The following RNASET2 variants were observed in gnomAD, a reference collection of about 807,000 sequenced individuals.
RNASET2 encodes ribonuclease T2.
RNASET2 carries 28 observed loss-of-function variants against 33.9 expected under a neutral mutation model. The ratio of observed to expected loss-of-function variants is 0.83; its 90% CI spans 0.61 to 1.13. The LOEUF (loss-of-function observed/expected upper bound fraction) is 1.13. RNASET2 is among the 50% of genes most tolerant of loss of function. RNASET2 has a pLI of 0.00. For missense variants in RNASET2, 330 were observed against 319.9 expected (o/e 1.03, Z -0.24); for synonymous variants, 123 against 121.0 (o/e 1.02, Z -0.11).
intron 4 of RNASET2, chr6:166,943,666 T>G (rs1778753313): frequency 2.3e-6 from 1 of 443,344 alleles, no homozygotes. Context: ...TAAACCCTAA[T>G]GTTAATGCTA....
intron 2 of RNASET2, 43 bp downstream of exon 2, chr6:166,952,445 G>A: frequency 6.4e-7 from 1 of 1,570,294 alleles, no homozygotes; most frequent in Non-Finnish European, 8.8e-7. Flanking sequence ...CCTCTTCACA[G>A]GGCTCCCCAG....
Position 166,956,152 on chromosome 6 carries a change from G to A in RNASET2, c.31C>T (p.Leu11=), listed in dbSNP as rs202104760. MRPAALRGAL[L]GCLCLALLCL... Reference sequence around the variant, plus strand: ...AGCAACGCCAGGCAGAGGCAGCCCAGCAGGGCCCCGCGCAGGGCTGCAGGG... The same window carrying A: ...AGCAACGCCAGGCAGAGGCAGCCCAACAGGGCCCCGCGCAGGGCTGCAGGG... The change falls in exon 1 of 9, where the codon CTG becomes TTG. Residue 11 remains leucine, a synonymous_variant. Transcript: ENST00000508775. 112 of 1,550,552 alleles carry A rather than the reference G, an allele frequency of 7.2e-5. 1 individual carries two copies. In the East Asian group the frequency reaches 2.6e-3, roughly 36 times the overall value.
intron 7 of RNASET2, chr6:166,931,533 C>G: frequency 8.5e-6 from 2 of 234,498 alleles, no homozygotes; most frequent in South Asian, 1.2e-4. Flanking sequence ...TCTCTCCCGA[C>G]CCCCTCCCCA....
intron 7 of RNASET2, chr6:166,932,191 A>G (rs570750069): frequency 2.6e-4 from 39 of 152,474 alleles, no homozygotes; most frequent in African/African-American, 8.4e-4. Flanking sequence ...AGCTCCCCAC[A>G]CTATCCCTTC....
Position 166,922,877 on chromosome 6 carries a change from A to C in RNASET2, c.*6711T>G, listed in dbSNP as rs1026675123. Among the ~76,000 whole-genome samples the C allele has an allele frequency of 3.3e-5, 5 of 152,228 alleles. No homozygotes were observed. The highest frequency in any genetic ancestry group is 1.2e-4 in the African/African-American group (5 of 41,454). ...CAGGTACCAACCACCAAAGCTGTAC[A>C]CGCCAGGTTCAATGTCTTTGCTGGT... is the stretch of plus-strand genomic sequence containing the variant. On this transcript the variant is annotated 3_prime_UTR_variant, in exon 9 of 9. Coordinates refer to ENST00000508775, the MANE Select transcript of RNASET2 (RefSeq NM_003730.6).
intron 5 of RNASET2, among the ~76,000 whole-genome samples, chr6:166,940,917 G>A (rs1371440485): frequency 2.0e-5 from 3 of 152,102 alleles, no homozygotes; most frequent in African/African-American, 7.2e-5. Flanking sequence ...CAGGCAGCCA[G>A]TCCTCGGGGC....
intron 6 of RNASET2, among the ~76,000 whole-genome samples, chr6:166,937,632 C>T (rs2757048): frequency 0.24 from 36,698 of 151,948 alleles, 6,372 homozygotes; most frequent in East Asian, 0.48. Flanking sequence ...GTGTATATAC[C>T]TGGTAGTGCA....
Position 166,956,176 on chromosome 6 carries a change from GGCGCATGGT to G in RNASET2, c.-3_6del, listed in dbSNP as rs886061241. ...AGCAGGGCCCCGCGCAGGGCTGCAG[GGCGCATGGT>G]GCCGACCTGCGGAGAGAACGCTGCC... On this transcript the variant is annotated start_lost and 5_prime_UTR_variant, in exon 1 of 9. Transcript: ENST00000508775. 7.0e-5 allele frequency: 108 copies of G among 1,549,236 alleles called. No homozygotes were observed. Among genetic ancestry groups the G allele is most frequent in the Non-Finnish European group, 8.8e-5 (101 of 1,146,520 alleles).
rs1583208779 is a variant in RNASET2, at chr6:166,924,529, T to C, written c.*5059A>G. 6.6e-6 allele frequency among the ~76,000 whole-genome samples: 1 copy of C among 152,344 alleles called. No homozygotes were observed. Among genetic ancestry groups the C allele is most frequent in the Non-Finnish European group, 1.5e-5 (1 of 68,044 alleles). On this transcript the variant is annotated 3_prime_UTR_variant, in exon 9 of 9. Coordinates refer to ENST00000508775, the MANE Select transcript of RNASET2 (RefSeq NM_003730.6). ...GGACAAAGTCCGGGCCTTTGTAGTG[T>C]GACGTGGCCATTAGGGCCCACAGAT...
rs1245453567 is a variant in RNASET2, at chr6:166,923,070, T to C, written c.*6518A>G. Among the ~76,000 whole-genome samples the C allele has an allele frequency of 6.6e-6, 1 of 152,252 alleles. No homozygotes were observed. Among genetic ancestry groups the C allele is most frequent in the East Asian group, 1.9e-4 (1 of 5,204 alleles). ...AGCATAAAGTCCATACAGCATTTAA[T>C]GGATCTTAACTTTATCCATCTCAAA... On this transcript the variant is annotated 3_prime_UTR_variant, in exon 9 of 9. Coordinates refer to ENST00000508775, the MANE Select transcript of RNASET2 (RefSeq NM_003730.6).
At chr6:166,955,894 C>T (rs1779152877) in intron 1 of RNASET2, 2 of 636,794 alleles carry the variant, frequency 3.1e-6, no homozygotes, top group Non-Finnish European at 3.9e-6. Context: ...CAACCCACTC[C>T]CTCCAGGGGT....
rs1158478152 is a variant in RNASET2, at chr6:166,926,963, G to A, written c.*2625C>T. Among the ~76,000 whole-genome samples the A allele has an allele frequency of 2.6e-5, 4 of 152,106 alleles. No individual in the cohort carries two copies. Among genetic ancestry groups the A allele is most frequent in the Non-Finnish European group, 4.4e-5 (3 of 68,010 alleles). ...TGCGCCTGCTCCTTTGTCCCCCTGG[G>A]AGACACTTGTACCCCCAGCTCTGAT... On this transcript the variant is annotated 3_prime_UTR_variant, in exon 9 of 9. Transcript: ENST00000508775.
intron 3 of RNASET2, 62 bp from the exon 4 acceptor site, chr6:166,946,801 C>T (rs757599063): frequency 8.7e-5 from 84 of 963,778 alleles, no homozygotes; most frequent in Admixed American, 8.1e-4. Context: ...GTGGCTTCTA[C>T]ATGACCTTAG....
Position 166,929,402 on chromosome 6 carries a change from G to C in RNASET2, c.*186C>G. 1.5e-6 allele frequency: 1 copy of C among 685,586 alleles called. No individual in the cohort carries two copies. Among genetic ancestry groups the C allele is most frequent in the Non-Finnish European group, 2.6e-6 (1 of 389,950 alleles). The allele number at this position is 685,586 out of a possible 1,614,324, so 42.5% of individuals were successfully genotyped here. On this transcript the variant is annotated 3_prime_UTR_variant, in exon 9 of 9. Coordinates refer to ENST00000508775, the MANE Select transcript of RNASET2 (RefSeq NM_003730.6). ...AAGCACAAAACAGCCACTCAGGCGT[G>C]GGAGAGCTCCTTTCTCCCCGTGTAC...
intron 1 of RNASET2, chr6:166,955,717 G>A: frequency 1.8e-6 from 2 of 1,107,190 alleles, no homozygotes; most frequent in Non-Finnish European, 2.2e-6. Flanking sequence ...TCACCCCGGG[G>A]AGTGTTCAGG....
chr6:166,950,136 A>T (rs150596098), intron 2 of RNASET2, among the ~76,000 whole-genome samples: 1 of 152,352 alleles, frequency 6.6e-6, no homozygotes, highest in African/African-American at 2.4e-5. Flanking sequence ...AATGCAGAGC[A>T]GCCTGGTCTC....
intron 1 of RNASET2, among the ~76,000 whole-genome samples, chr6:166,954,242 A>G (rs1779053494): frequency 1.3e-5 from 2 of 152,236 alleles, no homozygotes; most frequent in Non-Finnish European, 2.9e-5. Flanking sequence ...CCGCTGACCT[A>G]TGAAGCCCTC....
chr6:166,936,562 A>AGCTGG, intron 6 of RNASET2, among the ~76,000 whole-genome samples: 1 of 152,178 alleles, frequency 6.6e-6, no homozygotes, highest in Admixed American at 6.5e-5. Flanking sequence ...GTGTACAGAG[A>AGCTGG]TCACATGGCC....
chr6:166,941,168 C>G (rs1181044485), intron 5 of RNASET2, among the ~76,000 whole-genome samples: 1 of 152,162 alleles, frequency 6.6e-6, no homozygotes, highest in African/African-American at 2.4e-5. Flanking sequence ...TCATTTAGAA[C>G]CAGTTTTTTA....
Sources: gnomAD v4.1 joint callset for allele counts (sites outside exome capture counted in the v4.1 genomes callset) on GRCh38, gnomAD v4.1.1 for gene constraint, MANE v1.5 for transcripts, NCBI Gene and HGNC (gene_info 2026-07-23, HGNC 2026-07-21) for gene names.